RASA2: variants seen among roughly 807,000 people sequenced by gnomAD.
The protein encoded by RASA2 is ras GTPase-activating protein 2.
A neutral mutation model predicts 118.2 loss-of-function variants in RASA2; 155 were observed. The observed-to-expected ratio is 1.31, with a 90% CI of 1.15 to 1.50. The LOEUF (loss-of-function observed/expected upper bound fraction) is 1.50. Ranked by LOEUF, RASA2 falls within the 40% of genes most tolerant of loss-of-function variation. The pLI is 0.00. For synonymous variants in RASA2, 353 were observed against 349.1 expected (o/e 1.01, Z -0.12); for missense variants, 1,016 against 1,009.6 (o/e 1.01, Z -0.09).
chr3:141,604,331 C>CTT (rs1414232480), intron 19 of RASA2, among the ~76,000 whole-genome samples: 2 of 151,982 alleles, frequency 1.3e-5, no homozygotes, highest in African/African-American at 2.4e-5. Flanking sequence ...TGTTTGCACT[C>CTT]TATCTTTCTG....
At chr3:141,519,779 G>A (rs1204337769) in intron 3 of RASA2, among the ~76,000 whole-genome samples, 2 of 151,904 alleles carry the variant, frequency 1.3e-5, no homozygotes, top group Admixed American at 6.6e-5. Context: ...ACACTTCTCC[G>A]TGGCACACAA....
chr3:141,537,688 G>T (rs1397418315), intron 4 of RASA2, among the ~76,000 whole-genome samples: 3 of 152,168 alleles, frequency 2.0e-5, no homozygotes, highest in African/African-American at 4.8e-5. Context: ...AGAATCGCTT[G>T]AACCCGGGAG....
intron 1 of RASA2, among the ~76,000 whole-genome samples, chr3:141,491,115 G>A (rs1032708725): frequency 6.6e-6 from 1 of 152,178 alleles, no homozygotes; most frequent in Non-Finnish European, 1.5e-5. Flanking sequence ...TTCATATGGC[G>A]TTAGCCAGCT....
At chr3:141,559,787 T>C (rs567657817) in intron 8 of RASA2, 107 bp from the exon 9 acceptor site, 1 of 876,324 alleles carries the variant, frequency 1.1e-6, no homozygotes, top group Non-Finnish European at 1.8e-6. Context: ...CTTTTAAGCA[T>C]GTAAAATTAA....
intron 4 of RASA2, among the ~76,000 whole-genome samples, chr3:141,536,133 CAT>C (rs2082322038): frequency 6.6e-6 from 1 of 152,132 alleles, no homozygotes; most frequent in Admixed American, 6.5e-5. Context: ...CTGATAAAGA[CAT>C]ATCCAAGACT....
intron 3 of RASA2, among the ~76,000 whole-genome samples, chr3:141,518,424 A>T (rs2082062503): frequency 1.5e-5 from 2 of 130,748 alleles, no homozygotes; most frequent in South Asian, 5.4e-4. Context: ...CAGAGGTTGC[A>T]GTGAGCTGAG....
intron 11 of RASA2, 52 bp downstream of exon 11, chr3:141,571,606 T>G (rs2082921553): frequency 1.3e-6 from 2 of 1,525,818 alleles, no homozygotes; most frequent in South Asian, 2.4e-5. Flanking sequence ...AAATTGGACC[T>G]TAGTTTGACA....
intron 19 of RASA2, among the ~76,000 whole-genome samples, chr3:141,589,502 T>C (rs1044291632): frequency 5.3e-5 from 8 of 152,086 alleles, no homozygotes; most frequent in African/African-American, 9.7e-5. Flanking sequence ...GCATATAATA[T>C]CAGGGAGTTC....
chr3:141,529,139 G>A (rs1363900550), intron 3 of RASA2, among the ~76,000 whole-genome samples: 1 of 152,004 alleles, frequency 6.6e-6, no homozygotes, highest in East Asian at 1.9e-4. Flanking sequence ...ATGTATTGGA[G>A]CAACATAATC....
rs191552713 is a variant in RASA2, at chr3:141,607,399, C to A, written c.1934-279C>A. On this transcript the variant is annotated intron_variant, in intron 19 of 23. Coordinates refer to ENST00000286364, the MANE Select transcript of RASA2 (RefSeq NM_006506.5). Reference sequence around the variant, plus strand: ...CCCATATATAAAATTTTGTAACTTTCTTACGTTCTACACAGAGATCAAATT... The same window carrying A: ...CCCATATATAAAATTTTGTAACTTTATTACGTTCTACACAGAGATCAAATT... Among the ~76,000 whole-genome samples the A allele has an allele frequency of 1.4e-3, 212 of 152,008 alleles. 2 individuals carry two copies. The highest frequency in any genetic ancestry group is 4.7e-3 in the African/African-American group (193 of 41,474).
At chr3:141,592,248 G>A (rs1014478199) in intron 19 of RASA2, among the ~76,000 whole-genome samples, 8 of 152,090 alleles carry the variant, frequency 5.3e-5, no homozygotes, top group South Asian at 4.2e-4. Context: ...AAAGATGGTC[G>A]GGGAGTGAAC....
chr3:141,585,348 T>G (rs1038806070), intron 17 of RASA2, among the ~76,000 whole-genome samples: 1 of 152,218 alleles, frequency 6.6e-6, no homozygotes. Context: ...TTACACCAGT[T>G]CAGGTTAAGT....
intron 9 of RASA2, among the ~76,000 whole-genome samples, chr3:141,567,146 T>C (rs181270581): frequency 6.6e-6 from 1 of 152,306 alleles, no homozygotes; most frequent in East Asian, 1.9e-4. Flanking sequence ...CCAGGCATGG[T>C]GGCTTACACC....
At chr3:141,609,360 C>A in intron 21 of RASA2, 60 bp from the exon 22 acceptor site, 1 of 1,071,564 alleles carries the variant, frequency 9.3e-7, no homozygotes, top group Non-Finnish European at 1.3e-6. Flanking sequence ...ATCAGAAGTC[C>A]TTGGCATGTT....
At chr3:141,565,510 A>T (rs770068938) in intron 9 of RASA2, among the ~76,000 whole-genome samples, 3 of 152,178 alleles carry the variant, frequency 2.0e-5, no homozygotes, top group African/African-American at 2.4e-5. Context: ...AGATAATTGA[A>T]TCATCGGGTG....
intron 1 of RASA2, among the ~76,000 whole-genome samples, chr3:141,497,310 G>A (rs1450127596): frequency 7.1e-6 from 1 of 140,464 alleles, no homozygotes; most frequent in South Asian, 2.2e-4. Flanking sequence ...ACCCTAAAAC[G>A]TAAAGTATAA....
chr3:141,492,267 A>T (rs1200935024), intron 1 of RASA2, among the ~76,000 whole-genome samples: 1 of 152,180 alleles, frequency 6.6e-6, no homozygotes, highest in Non-Finnish European at 1.5e-5. Context: ...TTCCTTGTTA[A>T]TGTGCTTTAT....
At chr3:141,560,685 A>G (rs185365182) in intron 9 of RASA2, among the ~76,000 whole-genome samples, 6 of 152,288 alleles carry the variant, frequency 3.9e-5, no homozygotes, top group Admixed American at 2.0e-4. Context: ...TTTTCTGTCT[A>G]TAGCACTTAA....
chr3:141,501,912 A>G (rs2081788749), intron 1 of RASA2, among the ~76,000 whole-genome samples: 2 of 151,788 alleles, frequency 1.3e-5, no homozygotes, highest in Admixed American at 6.6e-5. Flanking sequence ...CATATTTTAT[A>G]TCTTTTCATC....
Sources: allele counts gnomAD v4.1 joint callset (sites outside exome capture counted in the v4.1 genomes callset), GRCh38; gene constraint gnomAD v4.1.1; transcripts MANE v1.5; gene names NCBI Gene and HGNC (gene_info 2026-07-23, HGNC 2026-07-21).